DPYD: variants seen among roughly 807,000 people sequenced by gnomAD.
The protein encoded by DPYD is dihydropyrimidine dehydrogenase, also known as dihydropyrimidine dehydrogenase [NADP(+)].
Under a neutral mutation model 116.2 loss-of-function variants are expected in DPYD, and 109 were observed. The observed-to-expected ratio is 0.94, with a 90% confidence interval of 0.80 to 1.10. DPYD has a LOEUF of 1.10. DPYD is among the 50% of genes least tolerant of loss of function. The pLI, the probability that DPYD is intolerant of heterozygous loss-of-function variation, is 0.00. For synonymous variants in DPYD, 440 were observed against 432.0 expected (o/e 1.02, Z -0.23); for missense variants, 1,302 against 1,254.5 (o/e 1.04, Z -0.57).
At chr1:97,150,060 C>A (rs1046867981) in intron 20 of DPYD, among the ~76,000 whole-genome samples, 1 of 152,084 alleles carries the variant, frequency 6.6e-6, no homozygotes, top group Non-Finnish European at 1.5e-5. Context: ...CCACAAAGGC[C>A]GTCCTTCAGG....
At chr1:97,833,093 T>C (rs371150065) in intron 2 of DPYD, among the ~76,000 whole-genome samples, 82 of 152,154 alleles carry the variant, frequency 5.4e-4, no homozygotes, top group African/African-American at 1.9e-3. Flanking sequence ...ACTGAATTTT[T>C]ATGTTATAAT....
intron 8 of DPYD, among the ~76,000 whole-genome samples, chr1:97,618,445 G>A (rs186902669): frequency 2.8e-4 from 42 of 149,620 alleles, no homozygotes; most frequent in African/African-American, 8.4e-4. Flanking sequence ...GCATGATCTC[G>A]GTTCACTGCA....
At chr1:97,190,978 A>T (rs1346600437) in intron 20 of DPYD, among the ~76,000 whole-genome samples, 1 of 152,070 alleles carries the variant, frequency 6.6e-6, no homozygotes, top group African/African-American at 2.4e-5. Context: ...TTCCTATAGT[A>T]TGCGGACACT....
chr1:97,382,418 C>A lies in DPYD; in HGVS notation c.1949G>T (p.Trp650Leu). ...SIMCSYNKNDWTELAKKSEDS... is the reference protein window; with the variant it reads ...SIMCSYNKNDLTELAKKSEDS... ...CTCAGACTTCTTGGCAAGTTCCGTCCAGTCATTTTTATTGTAACTGCACAT... is the reference window on the plus strand; with the variant it reads ...CTCAGACTTCTTGGCAAGTTCCGTCAAGTCATTTTTATTGTAACTGCACAT... Residue 650 changes from tryptophan (W) to leucine (L), a missense_variant, in exon 15 of 23, where the codon TGG becomes TTG. Physicochemically the swap from Trp to Leu is moderately conservative, Grantham distance 61. Coordinates refer to ENST00000370192, the MANE Select transcript of DPYD (RefSeq NM_000110.4). 1 of 1,598,482 alleles carries A rather than the reference C, an allele frequency of 6.3e-7. No individual in the cohort carries two copies. The highest frequency in any genetic ancestry group is 1.7e-5 in the Admixed American group (1 of 59,096).
In DPYD at chr1:97,667,426, A is replaced by T. The variant is rs561960552; in HGVS notation, c.850+11669T>A. ...TAATCATATGTTTATATACTTAAAAATTTTTTTTATCTATATATTATCACT... is the reference window on the plus strand; with the variant it reads ...TAATCATATGTTTATATACTTAAAATTTTTTTTTATCTATATATTATCACT... On this transcript the variant is annotated intron_variant, in intron 8 of 22. Coordinates refer to ENST00000370192, the MANE Select transcript of DPYD (RefSeq NM_000110.4). Among the ~76,000 whole-genome samples, 499 of 152,090 alleles carry T rather than the reference A, an allele frequency of 3.3e-3. 2 individuals are homozygous for T. The highest frequency in any genetic ancestry group is 0.011 in the African/African-American group (459 of 41,526).
chr1:97,647,813 A>AACCAAAAT (rs1283005548), intron 8 of DPYD, among the ~76,000 whole-genome samples: 1 of 152,026 alleles, frequency 6.6e-6, no homozygotes, highest in African/African-American at 2.4e-5. Flanking sequence ...GCTGTATGAT[A>AACCAAAAT]ACCAAAATTA....
At chr1:97,264,171 T>G (rs1664071989) in intron 18 of DPYD, among the ~76,000 whole-genome samples, 1 of 90,368 alleles carries the variant, frequency 1.1e-5, no homozygotes, top group Non-Finnish European at 2.0e-5. Flanking sequence ...TGTTTTTTTT[T>G]TTTTTTTTTT....
intron 15 of DPYD, among the ~76,000 whole-genome samples, chr1:97,375,606 A>C (rs1382839203): frequency 3.9e-5 from 6 of 152,184 alleles, no homozygotes; most frequent in Non-Finnish European, 8.8e-5. Flanking sequence ...GGATGAGCAC[A>C]GCCTGCTGAA....
intron 20 of DPYD, among the ~76,000 whole-genome samples, chr1:97,121,988 G>A (rs1411412912): frequency 1.3e-5 from 2 of 152,156 alleles, no homozygotes; most frequent in Non-Finnish European, 2.9e-5. Flanking sequence ...GGCATGGAAT[G>A]TATTATCATG....
intron 16 of DPYD, among the ~76,000 whole-genome samples, chr1:97,337,124 G>A (rs1669332563): frequency 6.6e-6 from 1 of 152,122 alleles, no homozygotes; most frequent in South Asian, 2.1e-4. Context: ...TGTATTGAGA[G>A]GGTGGCAGAA....
chr1:97,431,533 T>C lies in DPYD; in HGVS notation c.1905+18526A>G, dbSNP rs186716557. On this transcript the variant is annotated intron_variant, in intron 14 of 22. Transcript: ENST00000370192. ...TGGACACTGTGGCATATTTTTTCTC[T>C]TTGATTTGTCAGTTTGGGGAATTTC... is the stretch of plus-strand genomic sequence containing the variant. 7.9e-5 allele frequency among the ~76,000 whole-genome samples: 12 copies of C among 152,298 alleles called. No homozygotes were observed. In the East Asian group the frequency reaches 1.9e-3, roughly 25 times the overall value.
At chr1:97,807,031 G>T (rs1289780558) in intron 3 of DPYD, among the ~76,000 whole-genome samples, 1 of 151,832 alleles carries the variant, frequency 6.6e-6, no homozygotes, top group East Asian at 1.9e-4. Context: ...CCTTTGTCTG[G>T]ATGTACCACA....
chr1:97,851,223 A>G (rs1380104920), intron 2 of DPYD, among the ~76,000 whole-genome samples: 1 of 142,354 alleles, frequency 7.0e-6, no homozygotes, highest in Non-Finnish European at 1.5e-5. Flanking sequence ...ATAATTTTGG[A>G]ACATAAATTA....
At chr1:97,827,025 A>C (rs149630644) in intron 3 of DPYD, among the ~76,000 whole-genome samples, 2 of 152,214 alleles carry the variant, frequency 1.3e-5, no homozygotes, top group African/African-American at 2.4e-5. Flanking sequence ...TTTAAATAGA[A>C]GTGGCTTCAA....
chr1:97,396,423 GT>G (rs77722653), intron 14 of DPYD, among the ~76,000 whole-genome samples: 29,101 of 151,922 alleles, frequency 0.19, 2,950 homozygotes, highest in South Asian at 0.36. Context: ...ATGTGTGTCA[GT>G]TTTTTATTAT....
chr1:97,704,745 A>G (rs1260374620), intron 5 of DPYD, among the ~76,000 whole-genome samples: 1 of 152,000 alleles, frequency 6.6e-6, no homozygotes, highest in Admixed American at 6.6e-5. Flanking sequence ...TCGGTGAGAA[A>G]GACCCCTCTT....
intron 3 of DPYD, among the ~76,000 whole-genome samples, chr1:97,756,633 G>T (rs1665258952): frequency 6.6e-6 from 1 of 151,838 alleles, no homozygotes; most frequent in Non-Finnish European, 1.5e-5. Context: ...TTTTTAAGGT[G>T]AACTTTTCAG....
intron 13 of DPYD, among the ~76,000 whole-genome samples, chr1:97,462,147 G>T (rs1677067825): frequency 6.6e-6 from 1 of 152,162 alleles, no homozygotes; most frequent in South Asian, 2.1e-4. Context: ...GAGAATTCTA[G>T]ATTTCACAAT....
intron 13 of DPYD, among the ~76,000 whole-genome samples, chr1:97,485,184 C>T (rs1041832426): frequency 5.9e-5 from 9 of 152,056 alleles, no homozygotes; most frequent in African/African-American, 2.2e-4. Context: ...TTTACTAGAA[C>T]TCTGACATAC....
Sources: gnomAD v4.1 joint callset for allele counts (sites outside exome capture counted in the v4.1 genomes callset) on GRCh38, gnomAD v4.1.1 for gene constraint, MANE v1.5 for transcripts, NCBI Gene and HGNC (gene_info 2026-07-23, HGNC 2026-07-21) for gene names.